The following MYO16 variants were observed in gnomAD, a reference collection of about 807,000 sequenced individuals.
MYO16 encodes myosin XVI, also known as unconventional myosin-XVI.
A neutral mutation model predicts 205.3 loss-of-function variants in MYO16; 94 were observed. The observed-to-expected ratio is 0.46, with a 90% CI of 0.39 to 0.54. The LOEUF (loss-of-function observed/expected upper bound fraction) is 0.54. Among genes scored for constraint, MYO16 ranks in the 20% least tolerant of loss-of-function variants. The pLI is 0.00. For synonymous variants in MYO16, 988 were observed against 954.0 expected (o/e 1.04, Z -0.66); for missense variants, 2,315 against 2,387.5 (o/e 0.97, Z 0.63).
At chr13:108,726,685 A>G (rs189223174) in intron 3 of MYO16, among the ~76,000 whole-genome samples, 4 of 152,292 alleles carry the variant, frequency 2.6e-5, no homozygotes, top group Admixed American at 2.6e-4. Flanking sequence ...AAGGCAGAAC[A>G]TCAAGGTACA....
At chr13:108,565,672 C>A in the MYO16 span, among the ~76,000 whole-genome samples, 1 of 152,048 alleles carries the variant, frequency 6.6e-6, no homozygotes, top group Admixed American at 6.6e-5. Context: ...CGCTTTATAT[C>A]TTTTCTCGTG....
the MYO16 span, among the ~76,000 whole-genome samples, chr13:108,552,635 T>A: frequency 6.6e-6 from 1 of 152,186 alleles, no homozygotes; most frequent in Admixed American, 6.5e-5. Flanking sequence ...CATTCTCAGA[T>A]GAGTATCATC....
intron 34 of MYO16, among the ~76,000 whole-genome samples, chr13:109,203,604 C>T (rs988880586): frequency 1.3e-5 from 2 of 152,106 alleles, no homozygotes; most frequent in African/African-American, 4.8e-5. Context: ...CCTTTCATTG[C>T]GAGGTCTTTG....
intron 32 of MYO16, among the ~76,000 whole-genome samples, 198 bp from the exon 33 acceptor site, chr13:109,164,703 C>T (rs496313): frequency 0.14 from 22,026 of 152,062 alleles, 2,276 homozygotes; most frequent in East Asian, 0.53. Flanking sequence ...TACCACTTGA[C>T]ATTTTCCTTT....
At chr13:108,842,903 G>C (rs559894817) in intron 9 of MYO16, among the ~76,000 whole-genome samples, 3 of 152,236 alleles carry the variant, frequency 2.0e-5, no homozygotes, top group African/African-American at 7.2e-5. Context: ...CATATCTACA[G>C]AATATTATTC....
At chr13:109,189,689 G>A (rs891631073) in intron 34 of MYO16, among the ~76,000 whole-genome samples, 7 of 151,898 alleles carry the variant, frequency 4.6e-5, no homozygotes, top group African/African-American at 1.2e-4. Context: ...AAAAATAGTG[G>A]GGAAAAAAAA....
chr13:108,564,376 G>T, the MYO16 span, among the ~76,000 whole-genome samples: 1 of 151,952 alleles, frequency 6.6e-6, no homozygotes, highest in Non-Finnish European at 1.5e-5. Context: ...TCGCCATGCT[G>T]GTCAGTCTGG....
At chr13:108,972,249 C>CTATATATATATATATATATATATATA (rs1158879237) in intron 20 of MYO16, among the ~76,000 whole-genome samples, 2 of 2,850 alleles carry the variant, frequency 7.0e-4, no homozygotes, top group African/African-American at 2.7e-3. Flanking sequence ...CTCTCTCTCT[C>CTATATATATATATATATATATATATA]TATATATATA....
At chr13:108,495,978 G>A in the MYO16 span, among the ~76,000 whole-genome samples, 2 of 152,124 alleles carry the variant, frequency 1.3e-5, no homozygotes, top group African/African-American at 4.8e-5. Context: ...AACGCGGCGG[G>A]GCAGCCTCTC....
At chr13:108,731,277 T>G (rs930338775) in intron 4 of MYO16, among the ~76,000 whole-genome samples, 2 of 152,228 alleles carry the variant, frequency 1.3e-5, no homozygotes, top group African/African-American at 4.8e-5. Context: ...TATGCTTGAA[T>G]ATCATCTCTC....
chr13:108,746,986 A>G (rs1193418759), intron 4 of MYO16, among the ~76,000 whole-genome samples: 2 of 152,196 alleles, frequency 1.3e-5, no homozygotes, highest in African/African-American at 4.8e-5. Context: ...TATGAAAGCA[A>G]GAAGAGTGGA....
chr13:108,994,209 C>T (rs1190990692), intron 21 of MYO16, among the ~76,000 whole-genome samples: 2 of 151,768 alleles, frequency 1.3e-5, no homozygotes, highest in African/African-American at 2.4e-5. Flanking sequence ...ATTTTTTTCA[C>T]ATCTAAAGAG....
intron 32 of MYO16, among the ~76,000 whole-genome samples, chr13:109,160,898 C>G (rs1043598426): frequency 2.0e-5 from 3 of 152,198 alleles, no homozygotes; most frequent in Non-Finnish European, 2.9e-5. Flanking sequence ...GTAATTCCCT[C>G]ACTGCTGAAG....
At chr13:108,602,277 C>G (rs1478504280) in intron 1 of MYO16, among the ~76,000 whole-genome samples, 1 of 152,034 alleles carries the variant, frequency 6.6e-6, no homozygotes, top group Non-Finnish European at 1.5e-5. Flanking sequence ...TGAGGCACCA[C>G]CCACACAAGC....
At chr13:108,583,375 C>A in the MYO16 span, among the ~76,000 whole-genome samples, 1 of 152,162 alleles carries the variant, frequency 6.6e-6, no homozygotes. Flanking sequence ...CATTTGGATG[C>A]AAAGGGTGCT....
chr13:108,773,549 G>C (rs1002880912), intron 4 of MYO16, among the ~76,000 whole-genome samples: 5 of 152,044 alleles, frequency 3.3e-5, no homozygotes, highest in Admixed American at 1.3e-4. Flanking sequence ...CCCTCTGCGT[G>C]TGTGTCCATT....
At chr13:108,625,438 A>AT (rs1879698394), upstream of MYO16, among the ~76,000 whole-genome samples, 1 of 152,118 alleles carries the variant, frequency 6.6e-6, no homozygotes, top group Admixed American at 6.5e-5. Context: ...TTTATGCCTT[A>AT]TTTTTTGACA....
chr13:108,566,087 A>C, the MYO16 span, among the ~76,000 whole-genome samples: 1 of 152,026 alleles, frequency 6.6e-6, no homozygotes, highest in African/African-American at 2.4e-5. Context: ...CTTTTGAGAA[A>C]GTTTGAGTAT....
intron 27 of MYO16, among the ~76,000 whole-genome samples, chr13:109,068,090 T>G (rs1295513827): frequency 6.6e-6 from 1 of 152,194 alleles, no homozygotes; most frequent in Non-Finnish European, 1.5e-5. Context: ...GAGATCTATT[T>G]GCAACCCTAA....
Sources: allele counts gnomAD v4.1 joint callset (sites outside exome capture counted in the v4.1 genomes callset), GRCh38; gene constraint gnomAD v4.1.1; transcripts MANE v1.5; gene names NCBI Gene and HGNC (gene_info 2026-07-23, HGNC 2026-07-21).